The following CCSER1 variants were observed in gnomAD, a reference collection of about 807,000 sequenced individuals.
The protein encoded by CCSER1 is coiled-coil serine rich protein 1, also known as serine-rich coiled-coil domain-containing protein 1.
Under a neutral mutation model 82.0 loss-of-function variants are expected in CCSER1, and 41 were observed. That is an observed-to-expected ratio of 0.50 (90% confidence interval 0.39 to 0.65). CCSER1 has a LOEUF of 0.65. Ranked by LOEUF, CCSER1 falls within the 30% of genes least tolerant of loss-of-function variation. CCSER1 has a pLI of 0.00. For missense variants in CCSER1, 1,119 were observed against 1,064.2 expected (o/e 1.05, Z -0.72); for synonymous variants, 414 against 383.9 (o/e 1.08, Z -0.92).
intron 1 of CCSER1, among the ~76,000 whole-genome samples, chr4:90,250,928 A>AT (rs960587188): frequency 6.6e-6 from 1 of 151,646 alleles, no homozygotes; most frequent in African/African-American, 2.4e-5. Context: ...ATTCCTAGAG[A>AT]TTTTTTCTTG....
Position 91,323,877 on chromosome 4 carries a change from A to C in CCSER1, c.2217+237883A>C, listed in dbSNP as rs189124522. ...CTAAAATCCTGCATTAGAGGCTAGG[A>C]AATTTTCTTTCTGTTTCTGCATCTC... On this transcript the variant is annotated intron_variant, in intron 10 of 10. Coordinates refer to ENST00000509176, the MANE Select transcript of CCSER1 (RefSeq NM_001145065.2). Among the ~76,000 whole-genome samples the C allele has an allele frequency of 2.1e-3, 316 of 152,308 alleles. 1 individual carries two copies. The highest frequency in any genetic ancestry group is 5.4e-3 in the Admixed American group (82 of 15,288).
intron 7 of CCSER1, among the ~76,000 whole-genome samples, chr4:90,796,980 G>C (rs1197911084): frequency 2.0e-5 from 3 of 152,128 alleles, no homozygotes; most frequent in African/African-American, 7.2e-5. Flanking sequence ...GGGGTGGAAA[G>C]TTCTGTAGAT....
At chr4:90,474,795 T>C (rs557298370) in intron 5 of CCSER1, among the ~76,000 whole-genome samples, 2 of 152,166 alleles carry the variant, frequency 1.3e-5, no homozygotes, top group Non-Finnish European at 2.9e-5. Flanking sequence ...GAGAACTGTG[T>C]CAATATGTAT....
rs57898805 is a variant in CCSER1 at position 90,519,514 on chromosome 4, A to G, written c.1724+51160A>G. ...AGAATAAAAACAATGAGATGTTTCC[A>G]AAGTATTGTCAGTTTATTAATTAAA... On this transcript the variant is annotated intron_variant, in intron 5 of 10. Coordinates refer to ENST00000509176, the MANE Select transcript of CCSER1 (RefSeq NM_001145065.2). Among the ~76,000 whole-genome samples the G allele has an allele frequency of 2.5e-3, 385 of 152,102 alleles. 2 individuals are homozygous for G. Among genetic ancestry groups the G allele is most frequent in the African/African-American group, 8.7e-3 (363 of 41,578 alleles).
chr4:90,132,512 C>T (rs1722977769), intron 1 of CCSER1, among the ~76,000 whole-genome samples: 1 of 152,120 alleles, frequency 6.6e-6, no homozygotes, highest in South Asian at 2.1e-4. Context: ...GAAGCTTAAA[C>T]TGAATATTAA....
intron 8 of CCSER1, among the ~76,000 whole-genome samples, chr4:90,913,399 T>A (rs1292099641): frequency 1.3e-5 from 2 of 152,070 alleles, no homozygotes; most frequent in Non-Finnish European, 2.9e-5. Context: ...ATAAGCTTCA[T>A]AAGTGGAGGA....
intron 7 of CCSER1, among the ~76,000 whole-genome samples, chr4:90,742,572 C>G (rs7660801): frequency 0.15 from 22,515 of 152,020 alleles, 1,824 homozygotes; most frequent in Non-Finnish European, 0.18. Context: ...CCCTCACTAG[C>G]CCCTGAATCT....
intron 5 of CCSER1, among the ~76,000 whole-genome samples, chr4:90,623,805 A>G (rs1405207149): frequency 6.6e-6 from 1 of 152,206 alleles, no homozygotes; most frequent in Admixed American, 6.5e-5. Context: ...TGAAAAATAT[A>G]AGTTATTCAT....
rs377293344 is a variant in CCSER1 at position 91,149,514 on chromosome 4, T to G, written c.2217+63520T>G. Among the ~76,000 whole-genome samples the G allele has an allele frequency of 8.5e-5, 13 of 152,338 alleles. No homozygotes were observed. The East Asian group carries it at 2.3e-3, about 27-fold the overall frequency. ...CCCATTTGTCAATTCTGGCTTTTGT[T>G]GCCATTGCTTTTGGTGTTTTAGACA... On this transcript the variant is annotated intron_variant, in intron 10 of 10. Coordinates refer to ENST00000509176, the MANE Select transcript of CCSER1 (RefSeq NM_001145065.2).
chr4:91,111,244 A>C (rs973270398), intron 10 of CCSER1, among the ~76,000 whole-genome samples: 1 of 152,020 alleles, frequency 6.6e-6, no homozygotes, highest in Admixed American at 6.6e-5. Flanking sequence ...GCAGACACTC[A>C]TCACTTTTAT....
intron 10 of CCSER1, among the ~76,000 whole-genome samples, chr4:91,153,752 T>C (rs1730506474): frequency 6.6e-6 from 1 of 152,042 alleles, no homozygotes; most frequent in South Asian, 2.1e-4. Flanking sequence ...GCTGCAGGTC[T>C]GTTGGAGTTT....
At chr4:90,875,695 C>T (rs955395240) in intron 8 of CCSER1, among the ~76,000 whole-genome samples, 13 of 152,138 alleles carry the variant, frequency 8.5e-5, no homozygotes, top group African/African-American at 3.1e-4. Context: ...AATTAAACAT[C>T]ACAGCTGGTT....
At chr4:91,000,813 CAGG>C (rs1737972258) in intron 9 of CCSER1, among the ~76,000 whole-genome samples, 1 of 152,010 alleles carries the variant, frequency 6.6e-6, no homozygotes, top group Admixed American at 6.6e-5. Flanking sequence ...TTATCAGTTC[CAGG>C]AGTTTTCTGG....
chr4:91,061,376 G>C (rs773317444), intron 9 of CCSER1, among the ~76,000 whole-genome samples: 1 of 151,902 alleles, frequency 6.6e-6, no homozygotes, highest in Non-Finnish European at 1.5e-5. Flanking sequence ...TAATCCGGTG[G>C]CTCCAGCTTT....
At chr4:90,759,826 T>A (rs1275298674) in intron 7 of CCSER1, among the ~76,000 whole-genome samples, 1 of 152,180 alleles carries the variant, frequency 6.6e-6, no homozygotes, top group Admixed American at 6.5e-5. Context: ...GAGATGTACT[T>A]TTTAAAAATG....
chr4:90,879,925 G>A (rs1036461588), intron 8 of CCSER1, among the ~76,000 whole-genome samples: 2 of 152,152 alleles, frequency 1.3e-5, no homozygotes, highest in Non-Finnish European at 2.9e-5. Flanking sequence ...TCACCAGGCC[G>A]AGGCTTTGTG....
intron 5 of CCSER1, among the ~76,000 whole-genome samples, chr4:90,565,487 A>G (rs2153650462): frequency 6.6e-6 from 1 of 152,148 alleles, no homozygotes; most frequent in East Asian, 1.9e-4. Context: ...TTTCTTTCCA[A>G]TTTAGATGAT....
At position 91,416,689 on chromosome 4, in the gene CCSER1, A is replaced by G. The variant is rs777461976; in HGVS notation, c.2218-181883A>G. 2.0e-5 allele frequency among the ~76,000 whole-genome samples: 3 copies of G among 152,200 alleles called. No homozygotes were observed. The East Asian group carries it at 5.8e-4, about 29-fold the overall frequency. On this transcript the variant is annotated intron_variant, in intron 10 of 10. Coordinates refer to ENST00000509176, the MANE Select transcript of CCSER1 (RefSeq NM_001145065.2). Reference sequence around the variant, plus strand: ...AAACTGGACCCCTTCCTTATATCTTATACAAAAATTAACTCAAAATGGAGT... The same window carrying G: ...AAACTGGACCCCTTCCTTATATCTTGTACAAAAATTAACTCAAAATGGAGT...
At chr4:91,196,329 TAAGA>T (rs1428471956) in intron 10 of CCSER1, among the ~76,000 whole-genome samples, 61 of 152,122 alleles carry the variant, frequency 4.0e-4, no homozygotes, top group Admixed American at 4.0e-3. Flanking sequence ...ACTAAAAACT[TAAGA>T]GACACTCTTC....
Sources: gnomAD v4.1 joint callset for allele counts (sites outside exome capture counted in the v4.1 genomes callset) on GRCh38, gnomAD v4.1.1 for gene constraint, MANE v1.5 for transcripts, NCBI Gene and HGNC (gene_info 2026-07-23, HGNC 2026-07-21) for gene names.